UBASH3B: variants seen among roughly 807,000 people sequenced by gnomAD.
UBASH3B encodes ubiquitin associated and SH3 domain containing B.
Under a neutral mutation model 83.4 loss-of-function variants are expected in UBASH3B, and 37 were observed. That is an observed-to-expected ratio of 0.44 (90% CI 0.34 to 0.58). The LOEUF is 0.58. UBASH3B is among the 20% of genes least tolerant of loss of function. The probability of loss-of-function intolerance (pLI) is 0.01; values close to 1 mark genes in which losing one functional copy is unlikely to be tolerated. For synonymous variants in UBASH3B, 304 were observed against 318.3 expected (o/e 0.96, Z 0.48); for missense variants, 657 against 827.2 (o/e 0.79, Z 2.52).
chr11:122,656,323 T>C (rs1863362441), intron 1 of UBASH3B, 113 bp downstream of exon 1: 1 of 1,109,462 alleles, frequency 9.0e-7, no homozygotes, highest in Admixed American at 4.3e-5. Context: ...CGCTCCCCGC[T>C]GCCCGAGACC....
At chr11:122,782,959 T>C in intron 4 of UBASH3B, 94 bp from the exon 5 acceptor site, 2 of 1,439,258 alleles carry the variant, frequency 1.4e-6, no homozygotes, top group South Asian at 2.8e-5. Flanking sequence ...GGAAGCAGAA[T>C]TTCTCAGGGT....
chr11:122,728,287 A>T (rs1455640281), intron 1 of UBASH3B, among the ~76,000 whole-genome samples: 1 of 152,174 alleles, frequency 6.6e-6, no homozygotes, highest in East Asian at 1.9e-4. Flanking sequence ...CCCTGGAAAG[A>T]ATTCCGGATG....
At chr11:122,757,953 G>A (rs899886521) in intron 1 of UBASH3B, among the ~76,000 whole-genome samples, 5 of 147,312 alleles carry the variant, frequency 3.4e-5, no homozygotes, top group East Asian at 2.1e-4. Flanking sequence ...TGATCCACCC[G>A]CCTCGGCCTC....
chr11:122,692,576 C>T lies in UBASH3B; in HGVS notation c.161+36366C>T, dbSNP rs528954207. Reference sequence around the variant, plus strand: ...CACCCTTGGCTTGGAGAATGGGCCCCGTGAGCCTTCTCAGCAGGAATGTGG... The same window carrying T: ...CACCCTTGGCTTGGAGAATGGGCCCTGTGAGCCTTCTCAGCAGGAATGTGG... On this transcript the variant is annotated intron_variant, in intron 1 of 13. Coordinates refer to ENST00000284273, the MANE Select transcript of UBASH3B (RefSeq NM_032873.5). Among the ~76,000 whole-genome samples, 87 of 152,236 alleles carry T rather than the reference C, an allele frequency of 5.7e-4. 2 individuals carry two copies. In the East Asian group the frequency reaches 9.7e-3, roughly 17 times the overall value.
At chr11:122,697,773 G>A (rs933618004) in intron 1 of UBASH3B, among the ~76,000 whole-genome samples, 3 of 152,160 alleles carry the variant, frequency 2.0e-5, no homozygotes, top group African/African-American at 4.8e-5. Context: ...GAGTCATTGC[G>A]TTGCACCATA....
chr11:122,798,711 A>C (rs1481934336), intron 9 of UBASH3B, among the ~76,000 whole-genome samples: 1 of 147,610 alleles, frequency 6.8e-6, no homozygotes, highest in African/African-American at 2.5e-5. Flanking sequence ...CTCCATCTCA[A>C]AAAAAAAAAA....
intron 1 of UBASH3B, among the ~76,000 whole-genome samples, chr11:122,746,035 AAC>A (rs1202086572): frequency 2.0e-5 from 3 of 152,186 alleles, no homozygotes; most frequent in Non-Finnish European, 4.4e-5. Flanking sequence ...TTAGATGTTC[AAC>A]ATGTGTGGGA....
rs577211277 is a variant in UBASH3B, at chr11:122,809,567, GT to G, written c.1813-180del. On this transcript the variant is annotated intron_variant, in intron 13 of 13. Transcript: ENST00000284273. ...TCTTGCAATGTAAATACTCTTCTAA[GT>G]TACCAGTTTTACCCATTTTATTTTA... Among the ~76,000 whole-genome samples, 17 of 152,280 alleles carry G rather than the reference GT, an allele frequency of 1.1e-4. No homozygotes were observed. In the South Asian group the frequency reaches 2.7e-3, roughly 24 times the overall value.
At chr11:122,719,091 A>G (rs1860579419) in intron 1 of UBASH3B, among the ~76,000 whole-genome samples, 1 of 152,206 alleles carries the variant, frequency 6.6e-6, no homozygotes, top group South Asian at 2.1e-4. Flanking sequence ...TGCTGTTCGA[A>G]CAATCTAAGC....
chr11:122,747,648 C>G (rs191980020), intron 1 of UBASH3B, among the ~76,000 whole-genome samples: 8 of 152,252 alleles, frequency 5.3e-5, no homozygotes, highest in African/African-American at 1.9e-4. Flanking sequence ...GGTTCCTGTA[C>G]GTTTGGAGAC....
At chr11:122,770,186 A>C (rs1860618379) in intron 1 of UBASH3B, among the ~76,000 whole-genome samples, 1 of 152,256 alleles carries the variant, frequency 6.6e-6, no homozygotes, top group Non-Finnish European at 1.5e-5. Context: ...CAGCAATGCA[A>C]AGTCAAGGAC....
chr11:122,655,817 G>A lies in UBASH3B; in HGVS notation c.-233G>A. 2.2e-6 allele frequency: 1 copy of A among 457,406 alleles called. No individual in the cohort carries two copies. The highest frequency in any genetic ancestry group is 3.8e-6 in the Non-Finnish European group (1 of 261,852). The allele number at this position is 457,406 out of a possible 1,614,324, so 28.3% of individuals were successfully genotyped here. A position where few individuals can be genotyped will look rare whatever the true frequency, so the allele number is the denominator to read the frequency against. The stretch of plus-strand genomic sequence containing the variant: ...GAGCTGGGGGCAGCCGGGGGCCCGA[G>A]TGGCTGAGGCTGGTCCCGCAGCGGC... On this transcript the variant is annotated 5_prime_UTR_variant, in exon 1 of 14. It adds an upstream start codon to the 5' untranslated region. Transcript: ENST00000284273.
chr11:122,793,886 TA>T (rs1383810461), intron 6 of UBASH3B, among the ~76,000 whole-genome samples: 1 of 152,198 alleles, frequency 6.6e-6, no homozygotes, highest in Non-Finnish European at 1.5e-5. Flanking sequence ...GAGGGTAGAA[TA>T]GGGGACTTTG....
At chr11:122,789,525 G>T (rs1001921071) in intron 6 of UBASH3B, among the ~76,000 whole-genome samples, 1 of 152,172 alleles carries the variant, frequency 6.6e-6, no homozygotes, top group Non-Finnish European at 1.5e-5. Context: ...GTCTGCTTCA[G>T]TTCCTGATCA....
intron 8 of UBASH3B, 129 bp from the exon 9 acceptor site, chr11:122,796,782 A>G: frequency 1.7e-6 from 2 of 1,205,652 alleles, no homozygotes; most frequent in East Asian, 2.5e-5. Flanking sequence ...ATTTTCTATC[A>G]GCTCCAGAGA....
chr11:122,690,183 T>TCCA lies in UBASH3B; in HGVS notation c.161+33973_161+33974insCCA, dbSNP rs1346119589. Among the ~76,000 whole-genome samples the TCCA allele has an allele frequency of 5.5e-3, 167 of 30,116 alleles. 8 individuals are homozygous for TCCA. Among genetic ancestry groups the TCCA allele is most frequent in the African/African-American group, 0.012 (127 of 10,988 alleles). The allele number at this position is 30,116 out of a possible 152,430, so 19.8% of individuals were successfully genotyped here. A position where few individuals can be genotyped will look rare whatever the true frequency, so the allele number is the denominator to read the frequency against. On this transcript the variant is annotated intron_variant, in intron 1 of 13. Transcript: ENST00000284273. ...GCAGGAAAACATATATATATATATA[T>TCCA]ATATATATATATATATATATATATA...
intron 1 of UBASH3B, among the ~76,000 whole-genome samples, chr11:122,670,429 C>G (rs1182886112): frequency 2.0e-5 from 3 of 152,146 alleles, no homozygotes; most frequent in Non-Finnish European, 2.9e-5. Flanking sequence ...AGTGTATGAT[C>G]AAACTGATGT....
At chr11:122,682,147 C>T (rs903796751) in intron 1 of UBASH3B, among the ~76,000 whole-genome samples, 18 of 152,200 alleles carry the variant, frequency 1.2e-4, no homozygotes, top group African/African-American at 4.3e-4. Flanking sequence ...GCGTAGTACC[C>T]TGCCAACCCT....
intron 6 of UBASH3B, among the ~76,000 whole-genome samples, chr11:122,789,836 C>A (rs994087197): frequency 6.6e-6 from 1 of 152,198 alleles, no homozygotes; most frequent in African/African-American, 2.4e-5. Flanking sequence ...AGGGAACAGG[C>A]AACTGCCAGA....
Sources: allele counts gnomAD v4.1 joint callset (sites outside exome capture counted in the v4.1 genomes callset), GRCh38; gene constraint gnomAD v4.1.1; transcripts MANE v1.5; gene names NCBI Gene and HGNC (gene_info 2026-07-23, HGNC 2026-07-21).